TENM2: variants seen among roughly 807,000 people sequenced by gnomAD.
The protein encoded by TENM2 is teneurin transmembrane protein 2.
TENM2 carries 52 observed loss-of-function variants against 245.2 expected under a neutral mutation model. The observed-to-expected ratio is 0.21, with a 90% CI of 0.17 to 0.27. The LOEUF is 0.27. TENM2 is among the 10% of genes least tolerant of loss of function. The pLI, the probability that TENM2 is intolerant of heterozygous loss-of-function variation, is 1.00. For synonymous variants in TENM2, 1,363 were observed against 1,438.9 expected, an observed-to-expected ratio of 0.95 and a Z score of 1.19; for missense variants, 3,046 against 3,666.8, an observed-to-expected ratio of 0.83 and a Z score of 4.37.
chr5:167,086,929 G>GCACACACA, the TENM2 span, among the ~76,000 whole-genome samples: 254 of 90,940 alleles, frequency 2.8e-3, no homozygotes, highest in African/African-American at 6.8e-3. Flanking sequence ...ACACACACAC[G>GCACACACA]CACACACACA....
chr5:168,198,606 G>T (rs143292124), intron 15 of TENM2, among the ~76,000 whole-genome samples: 1 of 152,216 alleles, frequency 6.6e-6, no homozygotes, highest in African/African-American at 2.4e-5. Context: ...CATGCCATGT[G>T]TATTGGTGTA....
chr5:167,932,071 G>A (rs1049007344), intron 3 of TENM2, among the ~76,000 whole-genome samples: 3 of 152,224 alleles, frequency 2.0e-5, no homozygotes, highest in African/African-American at 7.2e-5. Flanking sequence ...GAGCTGCCTA[G>A]GTGAACAGTT....
rs540956358 is a variant in TENM2 at position 168,041,152 on chromosome 5, G to A, written c.1187-6275G>A. On this transcript the variant is annotated intron_variant, in intron 5 of 28. Coordinates refer to ENST00000518659, the Ensembl canonical transcript of TENM2. ...ATGGAGTCTCTAGGAGGACAGTATG[G>A]GAATTTAGAACTCTGACTCTGAAGT... Among the ~76,000 whole-genome samples, 2 of 152,206 alleles carry A rather than the reference G, an allele frequency of 1.3e-5. 1 individual carries two copies. Among genetic ancestry groups the A allele is most frequent in the South Asian group, 4.1e-4 (2 of 4,824 alleles).
intron 2 of TENM2, among the ~76,000 whole-genome samples, chr5:167,617,731 T>C (rs1777880042): frequency 6.6e-6 from 1 of 152,148 alleles, no homozygotes. Flanking sequence ...AACATTGTCT[T>C]CACGGGCATT....
chr5:167,285,036 CGGGAG>C lies in TENM2; in HGVS notation c.200_204del (p.Arg67LeufsTer3). ...AAACCGAGTCACAGACCTCATCCACCGGGAGTCAGATGAGTTTCCTAGACAAGGTT... is the reference window on the plus strand; with the variant it reads ...AAACCGAGTCACAGACCTCATCCACCTCAGATGAGTTTCCTAGACAAGGTT... On this transcript the variant is annotated frameshift_variant, in exon 1 of 29. Coordinates refer to ENST00000518659, the Ensembl canonical transcript of TENM2. LOFTEE classifies it high-confidence loss of function. The C allele has an allele frequency of 6.4e-7, 1 of 1,552,168 alleles. No individual in the cohort carries two copies. Among genetic ancestry groups the C allele is most frequent in the Non-Finnish European group, 8.7e-7 (1 of 1,147,088 alleles).
At chr5:167,780,663 G>A (rs961243235) in intron 2 of TENM2, among the ~76,000 whole-genome samples, 1 of 152,166 alleles carries the variant, frequency 6.6e-6, no homozygotes, top group Non-Finnish European at 1.5e-5. Context: ...TAATGAATCA[G>A]CATTGCATAT....
At chr5:167,559,593 C>A (rs780768371) in intron 2 of TENM2, among the ~76,000 whole-genome samples, 14 of 152,124 alleles carry the variant, frequency 9.2e-5, no homozygotes, top group Non-Finnish European at 1.8e-4. Flanking sequence ...TCTTTTTGTT[C>A]TTGGCCTCCC....
At chr5:167,926,876 C>T (rs1415939018) in intron 3 of TENM2, among the ~76,000 whole-genome samples, 1 of 152,114 alleles carries the variant, frequency 6.6e-6, no homozygotes, top group Non-Finnish European at 1.5e-5. Context: ...TTGGGGGAAA[C>T]TGGACAAAGA....
intron 2 of TENM2, chr5:167,754,813 T>G: frequency 2.6e-6 from 1 of 389,036 alleles, no homozygotes; most frequent in African/African-American, 2.0e-5. Context: ...GGACTTGCGG[T>G]TGGCATTTGG....
chr5:167,441,757 C>T (rs1764893413), intron 2 of TENM2, among the ~76,000 whole-genome samples: 1 of 152,186 alleles, frequency 6.6e-6, no homozygotes, highest in Non-Finnish European at 1.5e-5. Flanking sequence ...TTCTCTACTT[C>T]ATAATAATTT....
chr5:167,031,528 G>A, the TENM2 span, among the ~76,000 whole-genome samples: 2 of 152,070 alleles, frequency 1.3e-5, no homozygotes, highest in Admixed American at 1.3e-4. Flanking sequence ...ACATTGGAGA[G>A]GTTTCTTCCT....
chr5:167,142,990 C>T, the TENM2 span, among the ~76,000 whole-genome samples: 1 of 152,166 alleles, frequency 6.6e-6, no homozygotes, highest in Admixed American at 6.5e-5. Flanking sequence ...TCTATCTCTA[C>T]AATGTGTGAT....
intron 1 of TENM2, among the ~76,000 whole-genome samples, chr5:167,362,045 A>G (rs1283094494): frequency 1.3e-5 from 2 of 152,178 alleles, no homozygotes; most frequent in Non-Finnish European, 2.9e-5. Context: ...CTTTGGCTGT[A>G]TGTGACTCAA....
At chr5:167,558,838 C>T (rs1296578353) in intron 2 of TENM2, among the ~76,000 whole-genome samples, 2 of 151,878 alleles carry the variant, frequency 1.3e-5, no homozygotes, top group East Asian at 3.9e-4. Context: ...TTCCATGAAT[C>T]CAGACCCTGG....
chr5:167,768,405 AT>A (rs961562887), intron 2 of TENM2, among the ~76,000 whole-genome samples: 2 of 152,238 alleles, frequency 1.3e-5, no homozygotes, highest in Non-Finnish European at 2.9e-5. Flanking sequence ...ATTTAAAAAA[AT>A]AATGTAGATT....
chr5:167,479,739 C>G (rs1451339338), intron 2 of TENM2, among the ~76,000 whole-genome samples: 2 of 152,152 alleles, frequency 1.3e-5, no homozygotes, highest in African/African-American at 4.8e-5. Context: ...ACTTACTAGA[C>G]TGTAAACTTG....
At chr5:167,381,056 C>T (rs1199449249) in intron 2 of TENM2, among the ~76,000 whole-genome samples, 2 of 151,944 alleles carry the variant, frequency 1.3e-5, no homozygotes, top group Non-Finnish European at 2.9e-5. Context: ...TCAGAAGAAG[C>T]CTGCTCAGAA....
chr5:166,980,822 C>T, the TENM2 span, among the ~76,000 whole-genome samples: 1 of 152,176 alleles, frequency 6.6e-6, no homozygotes, highest in East Asian at 1.9e-4. Context: ...GAGATGAGGA[C>T]ATCCAGTTCA....
chr5:167,716,502 C>T (rs953283298), intron 2 of TENM2, among the ~76,000 whole-genome samples: 2 of 152,088 alleles, frequency 1.3e-5, no homozygotes, highest in Non-Finnish European at 2.9e-5. Context: ...ATTTACATAC[C>T]TTCCAGATTG....
Sources: allele counts gnomAD v4.1 joint callset (sites outside exome capture counted in the v4.1 genomes callset), GRCh38; gene constraint gnomAD v4.1.1; transcripts MANE v1.5; gene names NCBI Gene and HGNC (gene_info 2026-07-23, HGNC 2026-07-21).